The following AKAP12 variants were observed in gnomAD, a reference collection of about 807,000 sequenced individuals.
The protein encoded by AKAP12 is A-kinase anchoring protein 12, also known as A-kinase anchor protein 12.
A neutral mutation model predicts 79.9 loss-of-function variants in AKAP12; 32 were observed. That is an observed-to-expected ratio of 0.40 (90% CI 0.30 to 0.54). The LOEUF (loss-of-function observed/expected upper bound fraction) is 0.54, where lower values mean the gene tolerates loss of function less well. Among genes scored for constraint, AKAP12 ranks in the 20% least tolerant of loss-of-function variants. The pLI, the probability that AKAP12 is intolerant of heterozygous loss-of-function variation, is 0.48. For missense variants in AKAP12, 2,074 were observed against 2,177.0 expected (o/e 0.95, Z 0.94); for synonymous variants, 808 against 857.0 (o/e 0.94, Z 1.00).
chr6:151,348,509 T>A, intron 3 of AKAP12: 1 of 620,282 alleles, frequency 1.6e-6, no homozygotes, highest in South Asian at 1.7e-5. Flanking sequence ...CATGGTGGCA[T>A]GTGCCTGTAG....
chr6:151,290,608 CTT>C (rs146195150), intron 2 of AKAP12, among the ~76,000 whole-genome samples: 13 of 143,696 alleles, frequency 9.0e-5, no homozygotes, highest in Non-Finnish European at 7.7e-5. Flanking sequence ...TCACCAGATT[CTT>C]TTTTTTTTTT....
chr6:151,289,594 T>C (rs80186045), intron 2 of AKAP12, among the ~76,000 whole-genome samples: 1 of 152,220 alleles, frequency 6.6e-6, no homozygotes, highest in Non-Finnish European at 1.5e-5. Flanking sequence ...GAGTAAGGTC[T>C]TGATAAGAAG....
intron 3 of AKAP12, among the ~76,000 whole-genome samples, chr6:151,343,610 C>A (rs2114812479): frequency 6.6e-6 from 1 of 152,188 alleles, no homozygotes; most frequent in South Asian, 2.1e-4. Flanking sequence ...ATGGTGAAAC[C>A]TTATCTGTAC....
At chr6:151,259,101 G>T (rs1797359009) in intron 2 of AKAP12, among the ~76,000 whole-genome samples, 1 of 151,628 alleles carries the variant, frequency 6.6e-6, no homozygotes, top group Non-Finnish European at 1.5e-5. Flanking sequence ...CTGGAGTGCA[G>T]TGGCACAATC....
At position 151,305,740 on chromosome 6, in the gene AKAP12, T is replaced by C. The variant is rs2114756437; in HGVS notation, c.163-7T>C. ...ATTAAGTTTCTATGGCTTTGTCTTT[T>C]CCATAGCTCCTACAGAAGAATGGTC... On this transcript the variant is annotated splice_region_variant and splice_polypyrimidine_tract_variant and intron_variant, in intron 2 of 4. Coordinates refer to ENST00000402676, the MANE Select transcript of AKAP12 (RefSeq NM_005100.4). 1 of 1,602,708 alleles carries C rather than the reference T, an allele frequency of 6.2e-7. No homozygotes were observed. Among genetic ancestry groups the C allele is most frequent in the Non-Finnish European group, 8.5e-7 (1 of 1,174,912 alleles).
At chr6:151,316,360 T>C (rs549425824) in intron 3 of AKAP12, among the ~76,000 whole-genome samples, 2 of 152,314 alleles carry the variant, frequency 1.3e-5, no homozygotes, top group South Asian at 4.1e-4. Flanking sequence ...ACGTGCAATA[T>C]TTAGACCAAC....
intron 3 of AKAP12, among the ~76,000 whole-genome samples, chr6:151,334,919 G>C (rs1403189210): frequency 6.6e-6 from 1 of 152,022 alleles, no homozygotes; most frequent in Non-Finnish European, 1.5e-5. Context: ...CGCCGCGCCC[G>C]GCCTTCAACA....
At chr6:151,329,743 C>T (rs1011243918) in intron 3 of AKAP12, among the ~76,000 whole-genome samples, 5 of 152,204 alleles carry the variant, frequency 3.3e-5, no homozygotes, top group Non-Finnish European at 7.3e-5. Context: ...ACTACCACTT[C>T]CTGAGTGCCT....
At chr6:151,335,527 A>G (rs1417263015) in intron 3 of AKAP12, among the ~76,000 whole-genome samples, 1 of 152,106 alleles carries the variant, frequency 6.6e-6, no homozygotes, top group Non-Finnish European at 1.5e-5. Flanking sequence ...TCACCTGTGC[A>G]GTGGCACGAT....
intron 2 of AKAP12, among the ~76,000 whole-genome samples, chr6:151,262,872 T>C (rs2114701038): frequency 6.6e-6 from 1 of 152,286 alleles, no homozygotes; most frequent in South Asian, 2.1e-4. Flanking sequence ...TCCCTCCTGC[T>C]GTTCTTTTTT....
Position 151,349,224 on chromosome 6 carries a change from G to C in AKAP12, c.833G>C (p.Ser278Thr). Residue 278 changes from serine (S) to threonine (T), a missense_variant, in exon 4 of 5, where the codon AGC becomes ACC. Physicochemically the swap from Ser to Thr is moderately conservative, Grantham distance 58. Transcript: ENST00000402676. ...GAAGAGAAACAAGAAAAAGAACCTA[G>C]CAAGTCTGCAGAATCTCCGACTAGT... is the stretch of plus-strand genomic sequence containing the variant. ...EGEEKQEKEP[S>T]KSAESPTSPV... 1 of 1,613,826 alleles carries C rather than the reference G, an allele frequency of 6.2e-7. No individual in the cohort carries two copies. The highest frequency in any genetic ancestry group is 8.5e-7 in the Non-Finnish European group (1 of 1,179,990).
At chr6:151,259,204 C>T (rs1381581060) in intron 2 of AKAP12, among the ~76,000 whole-genome samples, 2 of 151,096 alleles carry the variant, frequency 1.3e-5, no homozygotes, top group African/African-American at 2.4e-5. Context: ...GCCACCACGC[C>T]CCGTTAATTT....
chr6:151,273,428 C>T (rs1321482993), intron 2 of AKAP12, among the ~76,000 whole-genome samples: 3 of 152,166 alleles, frequency 2.0e-5, no homozygotes, highest in East Asian at 1.9e-4. Flanking sequence ...CCAGTATATT[C>T]ACATCCAGTG....
At chr6:151,278,643 G>C (rs570024667) in intron 2 of AKAP12, among the ~76,000 whole-genome samples, 1 of 151,994 alleles carries the variant, frequency 6.6e-6, no homozygotes, top group East Asian at 1.9e-4. Context: ...TGATGTTATT[G>C]GTACTGCAAT....
At chr6:151,244,222 C>T (rs940704146) in intron 2 of AKAP12, among the ~76,000 whole-genome samples, 9 of 152,148 alleles carry the variant, frequency 5.9e-5, no homozygotes, top group South Asian at 2.1e-4. Flanking sequence ...GTTTGACCCT[C>T]GTGCATTAAA....
In AKAP12 at chr6:151,353,565, A is replaced by T. The variant is rs1263188272; in HGVS notation, c.5174A>T (p.Lys1725Ile). 1.2e-6 allele frequency: 2 copies of T among 1,614,070 alleles called. No individual in the cohort carries two copies. The highest frequency in any genetic ancestry group is 1.7e-5 in the Admixed American group (1 of 59,994). ...ADTDASGGLT[K>I]ESPDTNGPKQ... ...ACTGATGCCTCAGGAGGCTTAACCAAAGAGTCCCCAGATACAAATGGACCA... is the reference window on the plus strand; with the variant it reads ...ACTGATGCCTCAGGAGGCTTAACCATAGAGTCCCCAGATACAAATGGACCA... Residue 1725 changes from lysine (K) to isoleucine (I), a missense_variant, in exon 4 of 5, where the codon AAA becomes ATA. Around this residue, in one of 3 missense-constraint regions of AKAP12, gnomAD observed 614 missense variants for 665.6 expected, o/e 0.92. Transcript: ENST00000402676.
chr6:151,349,800 G>T lies in AKAP12; in HGVS notation c.1409G>T (p.Cys470Phe). The change falls in exon 4 of 5, where the codon TGT (cysteine) becomes TTT (phenylalanine). Residue 470 changes from cysteine (C) to phenylalanine (F), a missense_variant. Coordinates refer to ENST00000402676, the MANE Select transcript of AKAP12 (RefSeq NM_005100.4). ...AKELVKLKET[C>F]VSGEDPTQGA... ...GAGCTGGTGAAGCTCAAAGAAACGT[G>T]TGTTTCCGGAGAGGACCCTACACAG... The T allele has an allele frequency of 1.2e-6, 2 of 1,614,156 alleles. No homozygotes were observed. The highest frequency in any genetic ancestry group is 1.7e-6 in the Non-Finnish European group (2 of 1,180,040).
chr6:151,310,098 C>T (rs1333121544), intron 3 of AKAP12, among the ~76,000 whole-genome samples: 1 of 152,134 alleles, frequency 6.6e-6, no homozygotes, highest in Non-Finnish European at 1.5e-5. Context: ...TGCAGTGGCT[C>T]ACACCTGTAA....
chr6:151,316,935 G>A (rs1777249953), intron 3 of AKAP12, among the ~76,000 whole-genome samples: 1 of 152,276 alleles, frequency 6.6e-6, no homozygotes, highest in Non-Finnish European at 1.5e-5. Context: ...ACCACACCCG[G>A]CCAGGACTCC....
Sources: allele counts gnomAD v4.1 joint callset (sites outside exome capture counted in the v4.1 genomes callset), GRCh38; gene constraint gnomAD v4.1.1; regional missense constraint gnomAD v4.1.1; transcripts MANE v1.5; gene names NCBI Gene and HGNC (gene_info 2026-07-23, HGNC 2026-07-21).